Variants in ABCC10 observed in about 807,000 individuals in gnomAD.
ABCC10 encodes ATP-binding cassette sub-family C member 10.
ABCC10 carries 110 observed loss-of-function variants against 143.2 expected under a neutral mutation model. The observed-to-expected ratio is 0.77, with a 90% CI of 0.66 to 0.90. The LOEUF is 0.90. Among genes scored for constraint, ABCC10 ranks in the 40% least tolerant of loss-of-function variants. The pLI is 0.00. For missense variants in ABCC10, 1,700 were observed against 1,900.5 expected (o/e 0.89, Z 1.96); for synonymous variants, 805 against 846.7 (o/e 0.95, Z 0.85).
intron 2 of ABCC10, among the ~76,000 whole-genome samples, chr6:43,430,407 A>G (rs1237844023): frequency 6.6e-6 from 1 of 152,096 alleles, no homozygotes; most frequent in African/African-American, 2.4e-5. Flanking sequence ...TAGAATTCTT[A>G]AAGGCTGATT....
rs913358998 is a variant in ABCC10, at chr6:43,438,147, T to C, written c.1955+134T>C. On this transcript the variant is annotated intron_variant, in intron 7 of 21. Coordinates refer to ENST00000372530, the MANE Select transcript of ABCC10 (RefSeq NM_001198934.2). ...CGCATGGTCCCTTTATTGGGAGAGTTTTCAATCTGGAAAGAAGGAGGTGGC... is the reference window on the plus strand; with the variant it reads ...CGCATGGTCCCTTTATTGGGAGAGTCTTCAATCTGGAAAGAAGGAGGTGGC... The C allele has an allele frequency of 1.4e-5, 15 of 1,083,528 alleles. No homozygotes were observed. The African/African-American group carries it at 2.4e-4, about 17-fold the overall frequency. The allele number at this position is 1,083,528 out of a possible 1,614,324, so 67.1% of individuals were successfully genotyped here. A position where few individuals can be genotyped will look rare whatever the true frequency, so the allele number is the denominator to read the frequency against.
At chr6:43,451,482 C>T (rs1194880482), downstream of ABCC10, among the ~76,000 whole-genome samples, 2 of 152,198 alleles carry the variant, frequency 1.3e-5, no homozygotes, top group Non-Finnish European at 2.9e-5. This position sits in a 1 kb window ranked among gnomAD's most constrained non-coding sequence, Gnocchi z 4.4. Flanking sequence ...AAGCCATTAG[C>T]ACAGGGCCCA....
chr6:43,447,450 T>C lies in ABCC10; in HGVS notation c.3705+42T>C, dbSNP rs768410725. On this transcript the variant is annotated intron_variant, in intron 17 of 21. Coordinates refer to ENST00000372530, the MANE Select transcript of ABCC10 (RefSeq NM_001198934.2). The stretch of plus-strand genomic sequence containing the variant: ...ACCCCAGGCCAAAGCTCTGGAACCC[T>C]GAAGGCCCCAGTCTCCCTCACAATT... The C allele has an allele frequency of 1.4e-5, 22 of 1,600,180 alleles. No homozygotes were observed. The South Asian group carries it at 1.6e-4, about 11-fold the overall frequency.
At position 43,433,171 on chromosome 6, in the gene ABCC10, C is replaced by G. The variant is rs759060748; in HGVS notation, c.1191C>G (p.Ser397Arg). 3.1e-6 allele frequency: 5 copies of G among 1,614,096 alleles called. No homozygotes were observed. Among genetic ancestry groups the G allele is most frequent in the South Asian group, 1.1e-5 (1 of 91,090 alleles). ...AACGGCTGCTTAACTTTGCTGGGAGCTTCCATGAAGCCTGGGGCCTGCCCC... is the reference window on the plus strand; with the variant it reads ...AACGGCTGCTTAACTTTGCTGGGAGGTTCCATGAAGCCTGGGGCCTGCCCC... ...DSERLLNFAG[S>R]FHEAWGLPLQ... The change falls in exon 3 of 22, where the codon AGC (serine) becomes AGG (arginine). Residue 397 changes from serine (S) to arginine (R), a missense_variant. Transcript: ENST00000372530.
Position 43,433,254 on chromosome 6 carries a change from G to A in ABCC10, c.1274G>A (p.Gly425Asp). ...CAGCAGGTAGGCGTGGCCTTCGTGG[G>A]TGGTCTCATCTTGGCACTGCTGCTG... ...LYQQVGVAFV[G>D]GLILALLLVP... The change falls in exon 3 of 22, where the codon GGT (glycine) becomes GAT (aspartate). Residue 425 changes from glycine (G) to aspartate (D), a missense_variant. Gly to Asp is a moderately conservative substitution (Grantham distance 94, BLOSUM62 -1). Coordinates refer to ENST00000372530, the MANE Select transcript of ABCC10 (RefSeq NM_001198934.2). 2 of 1,614,224 alleles carry A rather than the reference G, an allele frequency of 1.2e-6. No homozygotes were observed. The highest frequency in any genetic ancestry group is 1.7e-6 in the Non-Finnish European group (2 of 1,180,024).
At chr6:43,434,940 G>A (rs1018210853) in intron 4 of ABCC10, 92 bp downstream of exon 4, 93 of 1,365,624 alleles carry the variant, frequency 6.8e-5, no homozygotes, top group South Asian at 4.8e-4. Flanking sequence ...TGAGAAGGAG[G>A]GAGGGATCCC....
intron 8 of ABCC10, among the ~76,000 whole-genome samples, chr6:43,439,991 C>G (rs1476151926): frequency 6.6e-6 from 1 of 150,562 alleles, no homozygotes; most frequent in Admixed American, 6.6e-5. Flanking sequence ...GAGTCTTGCT[C>G]TGTCGCTCAG....
intron 2 of ABCC10, 32 bp downstream of exon 2, chr6:43,428,171 A>G (rs2127375182): frequency 1.3e-6 from 2 of 1,494,084 alleles, no homozygotes; most frequent in Non-Finnish European, 1.8e-6. Context: ...GCATCTGTCC[A>G]TGTGTGCCTG....
downstream of ABCC10, chr6:43,450,459 C>T (rs1783640640): frequency 1.4e-6 from 2 of 1,471,332 alleles, no homozygotes; most frequent in Non-Finnish European, 1.8e-6. The surrounding 1 kb of genome is among the most constrained non-coding windows in gnomAD (Gnocchi z 4.5). Context: ...TGTACCCAAG[C>T]TGAAGGGTGG....
At chr6:43,446,636 T>C in intron 16 of ABCC10, 190 bp downstream of exon 16, 3 of 985,292 alleles carry the variant, frequency 3.0e-6, no homozygotes, top group Non-Finnish European at 3.6e-6. Flanking sequence ...CTTGCCCAGG[T>C]GGTGGTGGCT....
intron 2 of ABCC10, 34 bp downstream of exon 2, chr6:43,428,173 G>A (rs1440377633): frequency 6.7e-7 from 1 of 1,493,124 alleles, no homozygotes. Flanking sequence ...ATCTGTCCAT[G>A]TGTGCCTGCA....
intron 14 of ABCC10, 33 bp downstream of exon 14, chr6:43,445,347 G>C (rs1182483483): frequency 1.9e-6 from 3 of 1,591,854 alleles, no homozygotes; most frequent in East Asian, 2.3e-5. Context: ...GTAGGGGAGT[G>C]CAGTCCTAGC....
intron 8 of ABCC10, among the ~76,000 whole-genome samples, chr6:43,440,030 T>C (rs1383921899): frequency 6.6e-6 from 1 of 151,878 alleles, no homozygotes; most frequent in African/African-American, 2.4e-5. Flanking sequence ...GATCTCGGCT[T>C]ACTGCAACCT....
rs1218627158 is a variant in ABCC10, at chr6:43,434,631, A to G, written c.1391A>G (p.Glu464Gly). 3 of 1,613,388 alleles carry G rather than the reference A, an allele frequency of 1.9e-6. 1 individual carries two copies. The highest frequency in any genetic ancestry group is 1.7e-6 in the Non-Finnish European group (2 of 1,179,604). ...HKDARVKLVTELLSGIRVIKF... is the reference protein window; with the variant it reads ...HKDARVKLVTGLLSGIRVIKF... ...GTCTCCTTTCCCTAGCTTGTGACAG[A>G]GCTGCTGAGTGGCATTCGGGTCATC... Residue 464 changes from glutamate (E) to glycine (G), a missense_variant, in exon 4 of 22, where the codon GAG (glutamate) becomes GGG (glycine). Glu to Gly is a moderately conservative substitution (Grantham distance 98). Coordinates refer to ENST00000372530, the MANE Select transcript of ABCC10 (RefSeq NM_001198934.2).
At position 43,438,748 on chromosome 6, in the gene ABCC10, C is replaced by T. The variant is rs200887726; in HGVS notation, c.2080C>T (p.Leu694=). 6.2e-7 allele frequency: 1 copy of T among 1,614,248 alleles called. No individual in the cohort carries two copies. The highest frequency in any genetic ancestry group is 2.2e-5 in the East Asian group (1 of 44,884). The change falls in exon 8 of 22, where the codon CTG becomes TTG. Residue 694 remains leucine (L), a synonymous_variant. Coordinates refer to ENST00000372530, the MANE Select transcript of ABCC10 (RefSeq NM_001198934.2). ...ILFGKTFDAQ[L]YKEVLEACAL... ...CTTTGGGAAGACATTTGATGCACAG[C>T]TGTACAAGGAGGTGCTAGAAGCCTG...
chr6:43,449,013 G>T lies in ABCC10; in HGVS notation c.4092G>T (p.Val1364=), dbSNP rs756497221. 39 of 1,614,066 alleles carry T rather than the reference G, an allele frequency of 2.4e-5. No homozygotes were observed. Among genetic ancestry groups the T allele is most frequent in the Admixed American group, 5.0e-5 (3 of 60,008 alleles). ...TGAAGCAGTGCCACCTGAGTGAGGT[G>T]ATTACATCCATGGGTGAGTGCTGGA... The part of the protein sequence containing the change: ...QALKQCHLSE[V]ITSMGGLDGE... Residue 1364 remains valine (V), a synonymous_variant, in exon 19 of 22, where the codon GTG becomes GTT. Coordinates refer to ENST00000372530, the MANE Select transcript of ABCC10 (RefSeq NM_001198934.2).
Position 43,432,754 on chromosome 6 carries a change from C to T in ABCC10, c.774C>T (p.Tyr258=), listed in dbSNP as rs1176500477. The T allele has an allele frequency of 1.2e-6, 2 of 1,614,204 alleles. No homozygotes were observed. Among genetic ancestry groups the T allele is most frequent in the East Asian group, 2.2e-5 (1 of 44,888 alleles). Reference sequence around the variant, plus strand: ...TCCCCCACAGACTGCAGCCAACCTACCTGGCTCGTGTCTTCCAGGCACACT... The same window carrying T: ...TCCCCCACAGACTGCAGCCAACCTATCTGGCTCGTGTCTTCCAGGCACACT... ...CRLPHRLQPT[Y]LARVFQAHWQ... Residue 258 remains tyrosine, a synonymous_variant, in exon 3 of 22, where the codon TAC becomes TAT. Coordinates refer to ENST00000372530, the MANE Select transcript of ABCC10 (RefSeq NM_001198934.2).
Position 43,443,991 on chromosome 6 carries a change from TG to T in ABCC10, c.2477del (p.Gly826AspfsTer61). Reference sequence around the variant, plus strand: ...CTGTCCCCAAAGCCTGGGCTGAGAATGGACAAGAGTCTGACTCAGGTATGGC... The same window carrying T: ...CTGTCCCCAAAGCCTGGGCTGAGAATGACAAGAGTCTGACTCAGGTATGGC... ...QAVPKAWAENGQESDSATAQS... is the reference protein window; with the variant it reads ...QAVPKAWAENXQESDSATAQS... On this transcript the variant is annotated frameshift_variant, in exon 11 of 22. Coordinates refer to ENST00000372530, the MANE Select transcript of ABCC10 (RefSeq NM_001198934.2). LOFTEE classifies it high-confidence loss of function. The surrounding 1 kb of genome is among the most constrained non-coding windows in gnomAD (Gnocchi z 4.2). 6.2e-7 allele frequency: 1 copy of T among 1,614,164 alleles called. No individual in the cohort carries two copies. The highest frequency in any genetic ancestry group is 8.5e-7 in the Non-Finnish European group (1 of 1,179,968).
Position 43,443,964 on chromosome 6 carries a change from A to T in ABCC10, c.2448A>T (p.Gln816His). 1 of 1,614,176 alleles carries T rather than the reference A, an allele frequency of 6.2e-7. No homozygotes were observed. Among genetic ancestry groups the T allele is most frequent in the Non-Finnish European group, 8.5e-7 (1 of 1,179,988 alleles). Residue 816 changes from glutamine to histidine, a missense_variant, in exon 11 of 22, where the codon CAA becomes CAT. Transcript: ENST00000372530. This position sits in a 1 kb window ranked among gnomAD's most constrained non-coding sequence, Gnocchi z 4.2. Reference protein sequence around the residue: ...GPPSEILPLVQAVPKAWAENG... With the variant: ...GPPSEILPLVHAVPKAWAENG... ...CCTCTGAGATTCTGCCACTGGTACA[A>T]GCTGTCCCCAAAGCCTGGGCTGAGA...
Sources: gnomAD v4.1 joint callset for allele counts (sites outside exome capture counted in the v4.1 genomes callset) on GRCh38, gnomAD v4.1.1 for gene constraint, Gnocchi (gnomAD v3.1) non-coding constraint, MANE v1.5 for transcripts, NCBI Gene and HGNC (gene_info 2026-07-23, HGNC 2026-07-21) for gene names.